The following ATRNL1 variants were observed in gnomAD, a reference collection of about 807,000 sequenced individuals.
ATRNL1 encodes attractin like 1.
ATRNL1 carries 95 observed loss-of-function variants against 182.7 expected under a neutral mutation model. That is an observed-to-expected ratio of 0.52 (90% confidence interval 0.44 to 0.62). The LOEUF is 0.62. Ranked by LOEUF, ATRNL1 falls within the 20% of genes least tolerant of loss-of-function variation. The pLI is 0.00. For synonymous variants in ATRNL1, 576 were observed against 568.3 expected, an observed-to-expected ratio of 1.01 and a Z score of -0.19; for missense variants, 1,471 against 1,679.5, an observed-to-expected ratio of 0.88 and a Z score of 2.17.
intron 26 of ATRNL1, among the ~76,000 whole-genome samples, chr10:115,686,799 C>T (rs1282424417): frequency 6.6e-6 from 1 of 151,966 alleles, no homozygotes; most frequent in Non-Finnish European, 1.5e-5. Flanking sequence ...CTGATAGAAA[C>T]CTTGACTGCT....
intron 8 of ATRNL1, among the ~76,000 whole-genome samples, chr10:115,181,417 GA>G (rs1267805555): frequency 1.3e-5 from 2 of 151,704 alleles, no homozygotes; most frequent in East Asian, 3.9e-4. Context: ...AACTATTTGC[GA>G]AGACTATTAT....
chr10:115,208,371 C>T (rs1406931229), intron 8 of ATRNL1, among the ~76,000 whole-genome samples: 1 of 151,880 alleles, frequency 6.6e-6, no homozygotes, highest in Admixed American at 6.6e-5. Context: ...GCCTTCTATA[C>T]TTTTTAATTT....
intron 8 of ATRNL1, among the ~76,000 whole-genome samples, chr10:115,173,164 A>G (rs59945748): frequency 2.0e-5 from 3 of 151,994 alleles, no homozygotes; most frequent in Non-Finnish European, 4.4e-5. Context: ...GCTTACATAC[A>G]TTATTGTCAT....
intron 26 of ATRNL1, among the ~76,000 whole-genome samples, chr10:115,689,427 G>T (rs868957797): frequency 1.3e-5 from 2 of 151,974 alleles, no homozygotes. Flanking sequence ...TTTGTGTCCC[G>T]CAAAACAAAG....
chr10:115,561,704 G>GGGGT (rs1554999765), intron 26 of ATRNL1, among the ~76,000 whole-genome samples: 12 of 144,938 alleles, frequency 8.3e-5, no homozygotes, highest in Non-Finnish European at 1.0e-4. Context: ...TGTGTGTGTG[G>GGGGT]GTGTGTGTGT....
intron 25 of ATRNL1, among the ~76,000 whole-genome samples, chr10:115,533,460 A>ATTT (rs1357051171): frequency 6.6e-6 from 1 of 151,442 alleles, no homozygotes; most frequent in Admixed American, 6.6e-5. Flanking sequence ...CTCCTTTATC[A>ATTT]TTTTTTATTG....
At chr10:115,282,013 A>G (rs1852383858) in intron 14 of ATRNL1, among the ~76,000 whole-genome samples, 1 of 146,640 alleles carries the variant, frequency 6.8e-6, no homozygotes, top group Admixed American at 6.9e-5. Flanking sequence ...AATATTATAT[A>G]TATAATATAT....
At chr10:115,530,641 A>ATTG (rs782813562) in intron 25 of ATRNL1, among the ~76,000 whole-genome samples, 13 of 152,080 alleles carry the variant, frequency 8.5e-5, no homozygotes, top group Non-Finnish European at 1.6e-4. Context: ...TATTATTATT[A>ATTG]TTATACTTTA....
At chr10:115,250,456 A>G (rs1434051799) in intron 10 of ATRNL1, among the ~76,000 whole-genome samples, 5 of 152,196 alleles carry the variant, frequency 3.3e-5, no homozygotes, top group Non-Finnish European at 7.3e-5. Flanking sequence ...TATAGTATGT[A>G]CTGGGTCATA....
intron 26 of ATRNL1, among the ~76,000 whole-genome samples, chr10:115,562,207 C>CTGAT (rs1227272834): frequency 1.3e-5 from 2 of 152,046 alleles, no homozygotes; most frequent in Non-Finnish European, 2.9e-5. Flanking sequence ...GAATGAAGTA[C>CTGAT]TGATGCATGT....
At chr10:115,722,541 C>T (rs1947462536) in intron 26 of ATRNL1, among the ~76,000 whole-genome samples, 1 of 152,034 alleles carries the variant, frequency 6.6e-6, no homozygotes, top group Non-Finnish European at 1.5e-5. Context: ...TGATTTTTTA[C>T]TTGTATTACT....
intron 6 of ATRNL1, among the ~76,000 whole-genome samples, chr10:115,164,359 A>C (rs1303029940): frequency 6.6e-6 from 1 of 152,202 alleles, no homozygotes; most frequent in Non-Finnish European, 1.5e-5. Context: ...TGGTTAATTT[A>C]TATAATGCTA....
intron 26 of ATRNL1, among the ~76,000 whole-genome samples, chr10:115,603,746 G>T (rs1856736427): frequency 6.6e-6 from 1 of 152,182 alleles, no homozygotes; most frequent in East Asian, 1.9e-4. Flanking sequence ...CCTATCCATT[G>T]CTCTCCATTG....
chr10:115,402,515 TTAATA>T, intron 20 of ATRNL1, among the ~76,000 whole-genome samples: 1 of 152,184 alleles, frequency 6.6e-6, no homozygotes, highest in South Asian at 2.1e-4. Flanking sequence ...GTTTCACTGT[TTAATA>T]TAAGAGCTCA....
intron 24 of ATRNL1, among the ~76,000 whole-genome samples, chr10:115,490,719 C>A (rs1389405903): frequency 1.3e-5 from 2 of 152,132 alleles, no homozygotes; most frequent in Non-Finnish European, 2.9e-5. Flanking sequence ...CCTTCTAAAG[C>A]CTACTTCTGT....
At chr10:115,440,138 T>C (rs1365497474) in intron 21 of ATRNL1, among the ~76,000 whole-genome samples, 1 of 151,928 alleles carries the variant, frequency 6.6e-6, no homozygotes, top group Admixed American at 6.6e-5. Flanking sequence ...ATTTGGCTTC[T>C]GTGTTTTTTA....
intron 28 of ATRNL1, among the ~76,000 whole-genome samples, chr10:115,853,664 A>G (rs1316059621): frequency 6.6e-6 from 1 of 152,246 alleles, no homozygotes; most frequent in Non-Finnish European, 1.5e-5. Context: ...AAATAGAACT[A>G]CTGAATTATA....
intron 26 of ATRNL1, among the ~76,000 whole-genome samples, chr10:115,644,621 T>TA (rs1859481453): frequency 6.6e-6 from 1 of 152,154 alleles, no homozygotes; most frequent in Non-Finnish European, 1.5e-5. Context: ...TGCTAGACGT[T>TA]AAAGATAAAT....
intron 21 of ATRNL1, among the ~76,000 whole-genome samples, chr10:115,428,104 T>C (rs1554963308): frequency 6.6e-6 from 1 of 152,078 alleles, no homozygotes; most frequent in Non-Finnish European, 1.5e-5. Flanking sequence ...TTTATAGTTA[T>C]AACTGTACAC....
Sources: allele counts gnomAD v4.1 joint callset (sites outside exome capture counted in the v4.1 genomes callset), GRCh38; gene constraint gnomAD v4.1.1; transcripts MANE v1.5; gene names NCBI Gene and HGNC (gene_info 2026-07-23, HGNC 2026-07-21).